Variants in LRP1B observed in about 807,000 individuals in gnomAD.
LRP1B encodes the protein low-density lipoprotein receptor-related protein 1B.
Under a neutral mutation model 556.6 loss-of-function variants are expected in LRP1B, and 217 were observed. The observed-to-expected ratio is 0.39, with a 90% CI of 0.35 to 0.44. LRP1B has a LOEUF of 0.44. Ranked by LOEUF, LRP1B falls within the 20% of genes least tolerant of loss-of-function variation. The probability of loss-of-function intolerance (pLI) is 1.00; values close to 1 mark genes in which losing one functional copy is unlikely to be tolerated. For synonymous variants in LRP1B, 2,047 were observed against 1,865.8 expected (o/e 1.10, Z -2.50); for missense variants, 5,053 against 5,620.8 (o/e 0.90, Z 3.23).
intron 2 of LRP1B, among the ~76,000 whole-genome samples, chr2:141,530,609 G>A (rs1217260098): frequency 3.3e-5 from 5 of 152,018 alleles, no homozygotes; most frequent in East Asian, 1.9e-4. Context: ...TTCAGATAAC[G>A]CAAAGTGCAA....
At chr2:141,150,869 T>TTGTGTGTGTGTGTGTGTGTGTGTG (rs56107003) in intron 7 of LRP1B, among the ~76,000 whole-genome samples, 7 of 138,622 alleles carry the variant, frequency 5.0e-5, no homozygotes, top group African/African-American at 1.6e-4. Flanking sequence ...TCATGCTGGT[T>TTGTGTGTGTGTGTGTGTGTGTGTG]TGTGTGTGTG....
At chr2:141,208,742 G>A (rs987759827) in intron 6 of LRP1B, among the ~76,000 whole-genome samples, 11 of 151,620 alleles carry the variant, frequency 7.3e-5, no homozygotes, top group Admixed American at 2.0e-4. Flanking sequence ...AGTGGCAGGC[G>A]CCTGTAGTCC....
chr2:141,659,196 C>G (rs1282126113), intron 2 of LRP1B, among the ~76,000 whole-genome samples: 6 of 152,110 alleles, frequency 3.9e-5, no homozygotes, highest in African/African-American at 4.8e-5. Flanking sequence ...AGCCACTGTA[C>G]CAGGCCATAT....
chr2:141,938,685 AC>A (rs1447791534), intron 1 of LRP1B, among the ~76,000 whole-genome samples: 1 of 152,132 alleles, frequency 6.6e-6, no homozygotes, highest in Non-Finnish European at 1.5e-5. Flanking sequence ...TATGGAAACA[AC>A]CTAAGTGTCT....
intron 3 of LRP1B, among the ~76,000 whole-genome samples, chr2:141,413,704 T>G (rs1690946661): frequency 6.6e-6 from 1 of 150,486 alleles, no homozygotes; most frequent in Admixed American, 6.6e-5. Context: ...CAGCTGGGTT[T>G]TTGTATTATT....
At chr2:142,100,337 T>A (rs1440659464) in intron 1 of LRP1B, among the ~76,000 whole-genome samples, 1 of 151,924 alleles carries the variant, frequency 6.6e-6, no homozygotes, top group African/African-American at 2.4e-5. Flanking sequence ...CCATTAGCGT[T>A]GACACCACTC....
chr2:141,942,017 C>A (rs1300995345), intron 1 of LRP1B, among the ~76,000 whole-genome samples: 7 of 152,184 alleles, frequency 4.6e-5, no homozygotes, highest in Non-Finnish European at 7.3e-5. Flanking sequence ...TCTTCTCCTT[C>A]TCTATCTGTC....
At chr2:140,364,399 C>T (rs866795389) in intron 72 of LRP1B, among the ~76,000 whole-genome samples, 2 of 151,398 alleles carry the variant, frequency 1.3e-5, no homozygotes, top group Non-Finnish European at 3.0e-5. Flanking sequence ...TACTCTAAAC[C>T]CACCCAAAGA....
intron 2 of LRP1B, among the ~76,000 whole-genome samples, chr2:141,531,409 T>C (rs567364158): frequency 6.6e-6 from 1 of 152,282 alleles, no homozygotes; most frequent in African/African-American, 2.4e-5. Flanking sequence ...GGTCAATATC[T>C]CCTTTTCAAA....
intron 6 of LRP1B, among the ~76,000 whole-genome samples, chr2:141,223,064 G>A (rs2105280160): frequency 6.6e-6 from 1 of 152,204 alleles, no homozygotes; most frequent in Admixed American, 6.5e-5. Flanking sequence ...AAGAAATAAA[G>A]GGGATTCAAA....
At chr2:141,894,187 G>T (rs149566968) in intron 1 of LRP1B, among the ~76,000 whole-genome samples, 1 of 152,216 alleles carries the variant, frequency 6.6e-6, no homozygotes, top group East Asian at 1.9e-4. Flanking sequence ...TAACAAAAGT[G>T]CCACATTCAT....
At chr2:141,171,825 G>A (rs988624401) in intron 7 of LRP1B, among the ~76,000 whole-genome samples, 2 of 152,042 alleles carry the variant, frequency 1.3e-5, no homozygotes, top group African/African-American at 4.8e-5. Flanking sequence ...AAGAAACACT[G>A]TGAAGATTGC....
At chr2:141,868,931 T>C (rs903292625) in intron 1 of LRP1B, among the ~76,000 whole-genome samples, 1 of 152,180 alleles carries the variant, frequency 6.6e-6, no homozygotes, top group Non-Finnish European at 1.5e-5. Flanking sequence ...TAGAAACTTA[T>C]AGCCTAACTT....
chr2:141,604,127 G>A (rs1309487320), intron 2 of LRP1B, among the ~76,000 whole-genome samples: 1 of 152,110 alleles, frequency 6.6e-6, no homozygotes, highest in East Asian at 1.9e-4. Context: ...ATGGATGGTC[G>A]ATAGATGGTC....
chr2:141,921,799 C>G (rs2104974631), intron 1 of LRP1B, among the ~76,000 whole-genome samples: 1 of 152,090 alleles, frequency 6.6e-6, no homozygotes, highest in South Asian at 2.1e-4. Context: ...ATTCAAAAAT[C>G]TTGGCATCAT....
chr2:140,764,181 G>A (rs1368560701), intron 35 of LRP1B, among the ~76,000 whole-genome samples: 2 of 152,056 alleles, frequency 1.3e-5, no homozygotes, highest in African/African-American at 2.4e-5. Flanking sequence ...AAAAAAGAGA[G>A]AGACTCATTT....
chr2:140,721,800 G>A (rs753173074), intron 35 of LRP1B, among the ~76,000 whole-genome samples: 8 of 149,774 alleles, frequency 5.3e-5, no homozygotes, highest in Non-Finnish European at 1.2e-4. Flanking sequence ...CTCGTGATCC[G>A]TCCACCTCGG....
At chr2:141,771,264 CA>C (rs111877837) in intron 2 of LRP1B, among the ~76,000 whole-genome samples, 429 of 151,620 alleles carry the variant, frequency 2.8e-3, no homozygotes, top group African/African-American at 9.7e-3. Flanking sequence ...CTTAATTAGC[CA>C]AAAAAAACTA....
intron 2 of LRP1B, among the ~76,000 whole-genome samples, chr2:141,690,396 A>AATAAATATATATCTATATATAT (rs5834858): frequency 3.7e-5 from 1 of 26,936 alleles, no homozygotes; most frequent in Admixed American, 4.7e-4. Context: ...TACATCTATA[A>AATAAATATATATCTATATATAT]ATATATATAT....
Sources: gnomAD v4.1 joint callset for allele counts (sites outside exome capture counted in the v4.1 genomes callset) on GRCh38, gnomAD v4.1.1 for gene constraint, MANE v1.5 for transcripts, NCBI Gene and HGNC (gene_info 2026-07-23, HGNC 2026-07-21) for gene names.